The following MATN2 variants were observed in gnomAD, a reference collection of about 807,000 sequenced individuals.
The protein encoded by MATN2 is matrilin 2.
A neutral mutation model predicts 103.2 loss-of-function variants in MATN2; 69 were observed. The observed-to-expected ratio is 0.67, with a 90% confidence interval of 0.55 to 0.82. MATN2 has a LOEUF of 0.82. Among genes scored for constraint, MATN2 ranks in the 40% least tolerant of loss-of-function variants. MATN2 has a pLI of 0.00. For synonymous variants in MATN2, 429 were observed against 450.2 expected (o/e 0.95, Z 0.60); for missense variants, 1,023 against 1,211.5 (o/e 0.84, Z 2.31).
chr8:97,969,006 T>A (rs1811570037), intron 5 of MATN2, among the ~76,000 whole-genome samples: 1 of 152,256 alleles, frequency 6.6e-6, no homozygotes, highest in Admixed American at 6.5e-5. Context: ...ACAAGAAGCA[T>A]GGCATTGGCC....
At chr8:97,877,253 G>A (rs1025657128) in intron 1 of MATN2, among the ~76,000 whole-genome samples, 1 of 151,842 alleles carries the variant, frequency 6.6e-6, no homozygotes, top group Admixed American at 6.6e-5. Flanking sequence ...CGAGGCGGGC[G>A]GATCATCTGA....
At chr8:97,899,529 T>C (rs992509856) in intron 2 of MATN2, among the ~76,000 whole-genome samples, 1 of 152,182 alleles carries the variant, frequency 6.6e-6, no homozygotes, top group African/African-American at 2.4e-5. Context: ...CCTCTCTCCT[T>C]GGCTCATAGG....
chr8:97,934,065 C>T (rs866884892), intron 3 of MATN2, among the ~76,000 whole-genome samples: 1 of 152,200 alleles, frequency 6.6e-6, no homozygotes, highest in African/African-American at 2.4e-5. Flanking sequence ...TTTCACTCCT[C>T]TGCATGTTGG....
intron 14 of MATN2, among the ~76,000 whole-genome samples, chr8:98,029,176 G>C (rs780365941): frequency 6.6e-6 from 1 of 152,132 alleles, no homozygotes; most frequent in African/African-American, 2.4e-5. Flanking sequence ...TTGATACTGC[G>C]TACCTTCCTC....
intron 5 of MATN2, among the ~76,000 whole-genome samples, chr8:97,976,682 C>T (rs562200791): frequency 1.2e-4 from 18 of 152,096 alleles, no homozygotes; most frequent in Admixed American, 4.6e-4. Context: ...GTCTTAAGCT[C>T]CTGAGCTCAA....
intron 6 of MATN2, among the ~76,000 whole-genome samples, chr8:97,979,240 A>G (rs1811943879): frequency 6.6e-6 from 1 of 152,162 alleles, no homozygotes; most frequent in South Asian, 2.1e-4. Flanking sequence ...CATGTGTAGG[A>G]CTGTTCCTTC....
At position 98,004,659 on chromosome 8, in the gene MATN2, C is replaced by T. The variant is rs77320836; in HGVS notation, c.1327+876C>T. Among the ~76,000 whole-genome samples, 315 of 152,328 alleles carry T rather than the reference C, an allele frequency of 2.1e-3. 7 individuals are homozygous for T. In the East Asian group the frequency reaches 0.056, roughly 27 times the overall value. Reference sequence around the variant, plus strand: ...GCCTGTGAGAGGGGCCAGTGCCTGGCGCCAGACTGGGACAAGAGGCCGGAG... The same window carrying T: ...GCCTGTGAGAGGGGCCAGTGCCTGGTGCCAGACTGGGACAAGAGGCCGGAG... On this transcript the variant is annotated intron_variant, in intron 8 of 18. Coordinates refer to ENST00000254898, the MANE Select transcript of MATN2 (RefSeq NM_002380.5).
intron 7 of MATN2, among the ~76,000 whole-genome samples, chr8:97,996,544 A>G (rs1225761150): frequency 6.6e-6 from 1 of 152,158 alleles, no homozygotes; most frequent in African/African-American, 2.4e-5. Flanking sequence ...GAAAAATGAA[A>G]TTTGTTCCTA....
intron 2 of MATN2, among the ~76,000 whole-genome samples, chr8:97,913,615 AT>A (rs34387422): frequency 0.11 from 13,395 of 121,640 alleles, 560 homozygotes; most frequent in African/African-American, 0.15. Context: ...GCACCCTGCC[AT>A]TTTTTTTTTT....
intron 6 of MATN2, among the ~76,000 whole-genome samples, chr8:97,988,189 T>C (rs201823841): frequency 0.012 from 651 of 54,910 alleles, 41 homozygotes; most frequent in African/African-American, 0.045. Context: ...TATATATATA[T>C]ACACACACAC....
chr8:97,987,453 GA>G (rs995948024), intron 6 of MATN2, among the ~76,000 whole-genome samples: 12 of 151,304 alleles, frequency 7.9e-5, no homozygotes, highest in African/African-American at 2.2e-4. Context: ...AAAGTTGAAG[GA>G]AAAAAAAGTG....
chr8:97,941,008 A>T (rs1292484758), intron 3 of MATN2, among the ~76,000 whole-genome samples: 1 of 151,982 alleles, frequency 6.6e-6, no homozygotes, highest in Non-Finnish European at 1.5e-5. Context: ...AAAAAATTTT[A>T]AAAATTAGCC....
At chr8:97,961,290 C>A in intron 4 of MATN2, 118 bp from the exon 5 acceptor site, 2 of 1,042,486 alleles carry the variant, frequency 1.9e-6, no homozygotes, top group Non-Finnish European at 2.6e-6. Flanking sequence ...TCAAACCTTA[C>A]AATGTTTTTA....
At position 97,895,104 on chromosome 8, in the gene MATN2, C is replaced by A. The variant is rs181519377; in HGVS notation, c.142+6862C>A. On this transcript the variant is annotated intron_variant, in intron 2 of 18. Coordinates refer to ENST00000254898, the MANE Select transcript of MATN2 (RefSeq NM_002380.5). ...GCCAGGTTGGTCTCAAATTCCTGAC[C>A]TCATGTGATCTGCCCACCTAGGCCT... Among the ~76,000 whole-genome samples the A allele has an allele frequency of 3.6e-3, 549 of 152,266 alleles. 4 individuals are homozygous for A. The highest frequency in any genetic ancestry group is 0.012 in the African/African-American group (506 of 41,546).
At chr8:98,013,771 T>C (rs1016069449) in intron 10 of MATN2, among the ~76,000 whole-genome samples, 11 of 152,238 alleles carry the variant, frequency 7.2e-5, no homozygotes, top group Admixed American at 1.3e-4. Context: ...ATGTGTAACT[T>C]TCAGGTATGC....
At chr8:97,999,137 C>T (rs187351218) in intron 7 of MATN2, among the ~76,000 whole-genome samples, 1 of 152,210 alleles carries the variant, frequency 6.6e-6, no homozygotes, top group Non-Finnish European at 1.5e-5. Context: ...GGCATAATGT[C>T]TTCAAGGTTC....
intron 7 of MATN2, among the ~76,000 whole-genome samples, chr8:98,001,462 CTT>C (rs35005441): frequency 0.3 from 35,664 of 118,552 alleles, 4,214 homozygotes; most frequent in African/African-American, 0.33. Flanking sequence ...ACACTTTTGT[CTT>C]TTTTTTTTTT....
chr8:97,870,387 G>A (rs1291029772), intron 1 of MATN2, among the ~76,000 whole-genome samples: 1 of 152,088 alleles, frequency 6.6e-6, no homozygotes, highest in Non-Finnish European at 1.5e-5. Context: ...ACTTGGTGGC[G>A]CATGCCTGTA....
At chr8:97,954,573 A>T (rs901356939) in intron 4 of MATN2, among the ~76,000 whole-genome samples, 10 of 152,202 alleles carry the variant, frequency 6.6e-5, no homozygotes, top group African/African-American at 2.2e-4. Context: ...GATGCACATC[A>T]TTGTGTGAGT....
Sources: allele counts gnomAD v4.1 joint callset (sites outside exome capture counted in the v4.1 genomes callset), GRCh38; gene constraint gnomAD v4.1.1; transcripts MANE v1.5; gene names NCBI Gene and HGNC (gene_info 2026-07-23, HGNC 2026-07-21).